PARG: variants seen among roughly 807,000 people sequenced by gnomAD.
PARG encodes the protein poly(ADP-ribose) glycohydrolase.
PARG carries 35 observed loss-of-function variants against 113.0 expected under a neutral mutation model. That is an observed-to-expected ratio of 0.31 (90% CI 0.24 to 0.41). The LOEUF (loss-of-function observed/expected upper bound fraction) is 0.41, where lower values mean the gene tolerates loss of function less well. Ranked by LOEUF, PARG falls within the 10% of genes least tolerant of loss-of-function variation. The probability of loss-of-function intolerance (pLI) is 1.00; values close to 1 mark genes in which losing one functional copy is unlikely to be tolerated. For synonymous variants in PARG, 330 were observed against 409.9 expected, an observed-to-expected ratio of 0.81 and a Z score of 2.36; for missense variants, 797 against 1,169.4, an observed-to-expected ratio of 0.68 and a Z score of 4.64.
At chr10:49,936,257 G>A (rs1383962736) in intron 1 of PARG, among the ~76,000 whole-genome samples, 1 of 152,122 alleles carries the variant, frequency 6.6e-6, no homozygotes, top group Non-Finnish European at 1.5e-5. Context: ...CACAATAATA[G>A]GGGAAGTTAA....
At chr10:49,833,164 A>C in intron 15 of PARG, 1 of 237,466 alleles carries the variant, frequency 4.2e-6, no homozygotes, top group Non-Finnish European at 8.0e-6. Context: ...AAATCCCTTA[A>C]ACTAATACAG....
At chr10:49,927,369 G>GGAAAGAAGGAAAGAAGGAAA (rs1247056972) in intron 4 of PARG, among the ~76,000 whole-genome samples, 12 of 130,758 alleles carry the variant, frequency 9.2e-5, no homozygotes, top group Middle Eastern at 3.8e-3. Flanking sequence ...AAGGAAAGAA[G>GGAAAGAAGGAAAGAAGGAAA]GAAAGAAAGA....
Position 49,937,251 on chromosome 10 carries a change from C to T in PARG, c.218-2109G>A, listed in dbSNP as rs1317033177. On this transcript the variant is annotated intron_variant, in intron 1 of 17. Transcript: ENST00000616448. The stretch of plus-strand genomic sequence containing the variant: ...CAACACTTTGGGAGGACGAGGCAGG[C>T]GGATCACAAGGTCAGGAGATTGAGA... 3.5e-4 allele frequency among the ~76,000 whole-genome samples: 54 copies of T among 152,238 alleles called. 1 individual carries two copies. The highest frequency in any genetic ancestry group is 6.8e-3 in the Middle Eastern group (2 of 294).
chr10:49,826,846 T>C (rs1844383246), intron 16 of PARG, among the ~76,000 whole-genome samples: 1 of 152,168 alleles, frequency 6.6e-6, no homozygotes, highest in Non-Finnish European at 1.5e-5. Context: ...GTTGCAAGAC[T>C]GGAACTATTT....
chr10:49,825,360 A>G (rs1313864229), intron 16 of PARG, among the ~76,000 whole-genome samples: 1 of 152,222 alleles, frequency 6.6e-6, no homozygotes, highest in African/African-American at 2.4e-5. Flanking sequence ...ATCCAGATCC[A>G]GAGCCTGCAG....
chr10:49,883,635 C>T (rs1847318078), intron 8 of PARG, among the ~76,000 whole-genome samples: 1 of 150,878 alleles, frequency 6.6e-6, no homozygotes, highest in Non-Finnish European at 1.5e-5. Flanking sequence ...TCCGTCTCTG[C>T]TAAAAATACA....
chr10:49,819,525 A>C, intron 17 of PARG, 31 bp from the exon 18 acceptor site: 1 of 1,521,354 alleles, frequency 6.6e-7, no homozygotes, highest in Non-Finnish European at 8.9e-7. Flanking sequence ...CCAGAGGCAC[A>C]TTAAAGTATG....
At chr10:49,866,406 G>T (rs1201738278) in intron 10 of PARG, among the ~76,000 whole-genome samples, 1 of 151,974 alleles carries the variant, frequency 6.6e-6, no homozygotes, top group African/African-American at 2.4e-5. Flanking sequence ...AAACCATATG[G>T]AGCAGTTGCA....
At chr10:49,846,183 CATAG>C (rs1210972551) in intron 13 of PARG, among the ~76,000 whole-genome samples, 1 of 150,840 alleles carries the variant, frequency 6.6e-6, no homozygotes, top group Non-Finnish European at 1.5e-5. Flanking sequence ...CATTAAAAAA[CATAG>C]ATAGATCTCA....
At chr10:49,902,553 T>A (rs1276577787) in intron 7 of PARG, among the ~76,000 whole-genome samples, 2 of 152,190 alleles carry the variant, frequency 1.3e-5, no homozygotes, top group Non-Finnish European at 2.9e-5. Context: ...TAGTCATTTA[T>A]TGCTACTTAG....
chr10:49,890,224 T>C (rs1202372553), intron 7 of PARG, among the ~76,000 whole-genome samples: 29 of 152,350 alleles, frequency 1.9e-4, no homozygotes, highest in Middle Eastern at 3.4e-3. Context: ...ATAGTCTGCA[T>C]AGATAATTAC....
intron 1 of PARG, among the ~76,000 whole-genome samples, chr10:49,936,700 C>T (rs1473712429): frequency 5.3e-5 from 8 of 152,144 alleles, no homozygotes; most frequent in Non-Finnish European, 1.0e-4. Flanking sequence ...AGAATCTTAG[C>T]ATCCTAAGTC....
At chr10:49,923,091 A>C (rs1304085872) in intron 4 of PARG, among the ~76,000 whole-genome samples, 2 of 151,788 alleles carry the variant, frequency 1.3e-5, no homozygotes, top group African/African-American at 4.9e-5. Context: ...AACAAATCTT[A>C]AACAACACTT....
At chr10:49,869,787 C>T (rs569949159) in intron 9 of PARG, among the ~76,000 whole-genome samples, 1 of 151,602 alleles carries the variant, frequency 6.6e-6, no homozygotes, top group South Asian at 2.1e-4. Context: ...TCATTTACTA[C>T]CAACCACATT....
At chr10:49,834,040 C>A (rs1242231034) in intron 15 of PARG, among the ~76,000 whole-genome samples, 1 of 152,040 alleles carries the variant, frequency 6.6e-6, no homozygotes, top group Non-Finnish European at 1.5e-5. Flanking sequence ...GACTGTAAAT[C>A]CTGACAGATA....
At chr10:49,902,827 C>CA (rs1185426783) in intron 7 of PARG, among the ~76,000 whole-genome samples, 15 of 151,098 alleles carry the variant, frequency 9.9e-5, no homozygotes, top group African/African-American at 3.2e-4. Context: ...TCGGTCTCTA[C>CA]AAAAAAAATT....
At chr10:49,881,830 C>T (rs1488899391) in intron 8 of PARG, among the ~76,000 whole-genome samples, 2 of 152,150 alleles carry the variant, frequency 1.3e-5, no homozygotes, top group African/African-American at 4.8e-5. Context: ...AAAATTCTCT[C>T]CCCTTCAGGT....
chr10:49,827,119 G>A (rs1844398091), intron 16 of PARG, among the ~76,000 whole-genome samples: 1 of 152,204 alleles, frequency 6.6e-6, no homozygotes, highest in Non-Finnish European at 1.5e-5. Flanking sequence ...TGGTGGAAGG[G>A]AAGGAGGGTC....
At chr10:49,849,928 G>A (rs1467949826) in intron 13 of PARG, among the ~76,000 whole-genome samples, 1 of 152,098 alleles carries the variant, frequency 6.6e-6, no homozygotes, top group Non-Finnish European at 1.5e-5. Flanking sequence ...TGAGGTGGGA[G>A]GATCCCTTGA....
Sources: gnomAD v4.1 joint callset for allele counts (sites outside exome capture counted in the v4.1 genomes callset) on GRCh38, gnomAD v4.1.1 for gene constraint, MANE v1.5 for transcripts, NCBI Gene and HGNC (gene_info 2026-07-23, HGNC 2026-07-21) for gene names.